The following PCLO variants were observed in gnomAD, a reference collection of about 807,000 sequenced individuals.
PCLO encodes the protein protein piccolo.
PCLO carries 82 observed loss-of-function variants against 427.5 expected under a neutral mutation model. The observed-to-expected ratio is 0.19, with a 90% CI of 0.16 to 0.23. PCLO has a LOEUF of 0.23. PCLO is among the 10% of genes least tolerant of loss of function. The pLI, the probability that PCLO is intolerant of heterozygous loss-of-function variation, is 1.00. For missense variants in PCLO, 6,239 were observed against 6,115.9 expected (o/e 1.02, Z -0.67); for synonymous variants, 2,357 against 2,155.4 (o/e 1.09, Z -2.59).
chr7:82,944,007 C>G (rs867276067), intron 6 of PCLO, among the ~76,000 whole-genome samples: 2 of 151,290 alleles, frequency 1.3e-5, no homozygotes, highest in South Asian at 4.2e-4. Flanking sequence ...ATTAGCTGGG[C>G]GGGGTGGCAA....
intron 4 of PCLO, among the ~76,000 whole-genome samples, chr7:82,963,989 T>C (rs1289562146): frequency 6.6e-6 from 1 of 152,158 alleles, no homozygotes; most frequent in African/African-American, 2.4e-5. Flanking sequence ...GTTTGGAATA[T>C]ATTTAAAACA....
chr7:82,779,066 T>C (rs920470005), intron 22 of PCLO, among the ~76,000 whole-genome samples: 1 of 152,178 alleles, frequency 6.6e-6, no homozygotes, highest in African/African-American at 2.4e-5. Context: ...TATTCATCTT[T>C]ATGACATACT....
At chr7:82,830,366 ATTTGATGGTGAT>A (rs1426556269) in intron 16 of PCLO, among the ~76,000 whole-genome samples, 5 of 151,880 alleles carry the variant, frequency 3.3e-5, no homozygotes, top group Non-Finnish European at 7.4e-5. Context: ...TAATGACTTA[ATTTGATGGTGAT>A]AGAATTAGTG....
At chr7:82,859,305 T>A (rs542124324) in intron 10 of PCLO, among the ~76,000 whole-genome samples, 1 of 152,316 alleles carries the variant, frequency 6.6e-6, no homozygotes, top group East Asian at 1.9e-4. Context: ...CAAGATCCAG[T>A]GCTGTGCTGA....
intron 14 of PCLO, 147 bp downstream of exon 14, chr7:82,841,312 A>C: frequency 4.7e-6 from 3 of 644,510 alleles, no homozygotes; most frequent in Non-Finnish European, 8.4e-6. Flanking sequence ...TTAATATACT[A>C]TTCTATAAAA....
At chr7:82,925,410 C>T (rs1223553859) in intron 6 of PCLO, among the ~76,000 whole-genome samples, 1 of 152,114 alleles carries the variant, frequency 6.6e-6, no homozygotes, top group Non-Finnish European at 1.5e-5. Context: ...TCCCTTTACA[C>T]ATCCTTCCCT....
intron 6 of PCLO, among the ~76,000 whole-genome samples, chr7:82,944,137 TAAAAA>T (rs71096608): frequency 8.9e-5 from 3 of 33,890 alleles, no homozygotes; most frequent in African/African-American, 3.9e-4. Flanking sequence ...CAAGAATCCA[TAAAAA>T]AAAAAAAAAA....
intron 18 of PCLO, among the ~76,000 whole-genome samples, chr7:82,826,127 A>C (rs1791937811): frequency 6.6e-6 from 1 of 151,548 alleles, no homozygotes; most frequent in East Asian, 1.9e-4. Context: ...TTAATGTAAA[A>C]ATTGTTTTTA....
In PCLO at chr7:82,821,564, G is replaced by C. The variant is rs540152344; in HGVS notation, c.14791+931C>G. The C allele has an allele frequency of 7.4e-5, 72 of 975,866 alleles. No individual in the cohort carries two copies. In the South Asian group the frequency reaches 3.0e-3, roughly 41 times the overall value. The allele number at this position is 975,866 out of a possible 1,614,324, so 60.5% of individuals were successfully genotyped here. A position where few individuals can be genotyped will look rare whatever the true frequency, so the allele number is the denominator to read the frequency against. On this transcript the variant is annotated intron_variant, in intron 20 of 24. Transcript: ENST00000333891. ...GAAGTAACAGGGTACCTACATTTGT[G>C]AAATATTTGCACATATTAAGTTTTT...
At chr7:82,796,365 G>A (rs181602161) in intron 22 of PCLO, among the ~76,000 whole-genome samples, 11 of 152,184 alleles carry the variant, frequency 7.2e-5, no homozygotes, top group African/African-American at 2.4e-4. Flanking sequence ...ATAGGAGGAG[G>A]CTTTCCCCTT....
chr7:83,112,347 C>T lies in PCLO; in HGVS notation c.3300+21903G>A, dbSNP rs137874107. Reference sequence around the variant, plus strand: ...TTGGGATTACAGGCGTGAGCCACTGCGCCTGGCCTGATTGTATTTTTTTAA... The same window carrying T: ...TTGGGATTACAGGCGTGAGCCACTGTGCCTGGCCTGATTGTATTTTTTTAA... On this transcript the variant is annotated intron_variant, in intron 3 of 24. Transcript: ENST00000333891. Among the ~76,000 whole-genome samples, 568 of 152,220 alleles carry T rather than the reference C, an allele frequency of 3.7e-3. 7 individuals carry two copies. The highest frequency in any genetic ancestry group is 0.013 in the African/African-American group (527 of 41,548).
At chr7:82,867,591 T>C (rs1217235215) in intron 10 of PCLO, among the ~76,000 whole-genome samples, 1 of 152,132 alleles carries the variant, frequency 6.6e-6, no homozygotes, top group Non-Finnish European at 1.5e-5. Context: ...AAAAGTGCAG[T>C]CTATTCCAAG....
chr7:82,906,016 T>TAGAC (rs1282609949), intron 8 of PCLO, among the ~76,000 whole-genome samples: 1 of 142,436 alleles, frequency 7.0e-6, no homozygotes. Flanking sequence ...TATAGATAGA[T>TAGAC]AGATAGATAG....
At chr7:83,041,090 G>A (rs551954287) in intron 3 of PCLO, among the ~76,000 whole-genome samples, 1 of 151,906 alleles carries the variant, frequency 6.6e-6, no homozygotes, top group South Asian at 2.1e-4. Flanking sequence ...GTTTATCATT[G>A]TTTCTTTTAG....
chr7:82,954,636 A>G lies in PCLO; in HGVS notation c.6317T>C (p.Leu2106Ser). The G allele has an allele frequency of 6.2e-7, 1 of 1,613,958 alleles. No individual in the cohort carries two copies. The highest frequency in any genetic ancestry group is 8.5e-7 in the Non-Finnish European group (1 of 1,179,862). ...CGCTCCTGAGAGAACACTTGATGTCAAAGAGGCATCTGGCATTCTGTCAAA... is the reference window on the plus strand; with the variant it reads ...CGCTCCTGAGAGAACACTTGATGTCGAAGAGGCATCTGGCATTCTGTCAAA... ...MDFDRMPDAS[L>S]TSSVLSGASL... The change falls in exon 5 of 25, where the codon TTG becomes TCG. Residue 2106 changes from leucine to serine, a missense_variant. By Grantham distance (145) the Leu-to-Ser change is moderately radical. Coordinates refer to ENST00000333891, the MANE Select transcript of PCLO (RefSeq NM_033026.6).
intron 20 of PCLO, among the ~76,000 whole-genome samples, chr7:82,820,119 T>C (rs2115627134): frequency 6.6e-6 from 1 of 152,250 alleles, no homozygotes; most frequent in South Asian, 2.1e-4. Context: ...GGTTGGCCAC[T>C]TCTGCAAAGC....
At chr7:83,080,569 A>T (rs1056731045) in intron 3 of PCLO, among the ~76,000 whole-genome samples, 3 of 151,944 alleles carry the variant, frequency 2.0e-5, no homozygotes, top group Non-Finnish European at 4.4e-5. Context: ...TTTAAAGTCC[A>T]TTTCCGTATG....
intron 20 of PCLO, 71 bp downstream of exon 20, chr7:82,822,424 G>A (rs572297052): frequency 6.4e-5 from 103 of 1,610,870 alleles, no homozygotes; most frequent in Non-Finnish European, 8.5e-5. Context: ...AAACAGGAAA[G>A]GACAGCAGGA....
chr7:82,776,516 T>A (rs536481847), intron 22 of PCLO, among the ~76,000 whole-genome samples: 104 of 151,362 alleles, frequency 6.9e-4, no homozygotes, highest in Non-Finnish European at 1.3e-3. Flanking sequence ...AAATCTGGGC[T>A]GGGGATGGTG....
Sources: allele counts gnomAD v4.1 joint callset (sites outside exome capture counted in the v4.1 genomes callset), GRCh38; gene constraint gnomAD v4.1.1; transcripts MANE v1.5; gene names NCBI Gene and HGNC (gene_info 2026-07-23, HGNC 2026-07-21).